The following RNF144B variants were observed in gnomAD, a reference collection of about 807,000 sequenced individuals.
The protein encoded by RNF144B is ring finger protein 144B, also known as E3 ubiquitin-protein ligase RNF144B.
A neutral mutation model predicts 40.2 loss-of-function variants in RNF144B; 25 were observed. The observed-to-expected ratio is 0.62, with a 90% confidence interval of 0.45 to 0.87. The LOEUF (loss-of-function observed/expected upper bound fraction) is 0.87, where lower values mean the gene tolerates loss of function less well. Among genes scored for constraint, RNF144B ranks in the 40% least tolerant of loss-of-function variants. RNF144B has a pLI of 0.00. For synonymous variants in RNF144B, 145 were observed against 136.3 expected (o/e 1.06, Z -0.44); for missense variants, 365 against 373.7 (o/e 0.98, Z 0.19).
Position 18,448,829 on chromosome 6 carries a change from T to C in RNF144B, c.332-8326T>C, listed in dbSNP as rs1180693893. 6.6e-6 allele frequency among the ~76,000 whole-genome samples: 1 copy of C among 152,164 alleles called. No homozygotes were observed. The highest frequency in any genetic ancestry group is 2.4e-5 in the African/African-American group (1 of 41,448). On this transcript the variant is annotated intron_variant, in intron 4 of 7. Coordinates refer to ENST00000259939, the MANE Select transcript of RNF144B (RefSeq NM_182757.4). The surrounding 1 kb of genome is among the most constrained non-coding windows in gnomAD (Gnocchi z 4.0). ...TGCTGGTCACAACCTATTAAACTGA[T>C]ACCTCAATCCCCATTGTTTGAAAAG... is the stretch of plus-strand genomic sequence containing the variant.
chr6:18,406,176 CAAGTA>C lies in RNF144B; in HGVS notation c.165+6480_165+6484del. 1.9e-6 allele frequency: 1 copy of C among 518,476 alleles called. No homozygotes were observed. Among genetic ancestry groups the C allele is most frequent in the Non-Finnish European group, 3.9e-6 (1 of 259,690 alleles). 32.1% of individuals were successfully genotyped at this position (518,476 alleles called of 1,614,324 possible). On this transcript the variant is annotated intron_variant, in intron 2 of 7. Transcript: ENST00000259939. The surrounding 1 kb of genome is among the most constrained non-coding windows in gnomAD (Gnocchi z 4.2). ...TTTTCGTATGAGACATAGATGCTAA[CAAGTA>C]AATACAGAAGTCAGGTGATGGTTTG... is the stretch of plus-strand genomic sequence containing the variant.
rs1794881149 is a variant in RNF144B, at chr6:18,405,328, C to T, written c.165+5629C>T. On this transcript the variant is annotated intron_variant, in intron 2 of 7. Transcript: ENST00000259939. This position sits in a 1 kb window ranked among gnomAD's most constrained non-coding sequence, Gnocchi z 4.5. ...AGCTGGGATTACAGGCATGTGCCAC[C>T]AGGCCTGACTAATTTTTTTTGTATT... 1.3e-5 allele frequency among the ~76,000 whole-genome samples: 2 copies of T among 152,040 alleles called. No homozygotes were observed. Among genetic ancestry groups the T allele is most frequent in the African/African-American group, 4.8e-5 (2 of 41,474 alleles).
chr6:18,442,456 A>G lies in RNF144B; in HGVS notation c.331+2712A>G, dbSNP rs1194953615. 6.6e-6 allele frequency among the ~76,000 whole-genome samples: 1 copy of G among 152,196 alleles called. No individual in the cohort carries two copies. The highest frequency in any genetic ancestry group is 1.5e-5 in the Non-Finnish European group (1 of 68,026). The stretch of plus-strand genomic sequence containing the variant: ...TATAGATGAAGAAACTGAAAACAGG[A>G]CAGATTGAGACTTGCCTAGGACCAC... On this transcript the variant is annotated intron_variant, in intron 4 of 7. Transcript: ENST00000259939. The surrounding 1 kb of genome is among the most constrained non-coding windows in gnomAD (Gnocchi z 4.3).
intron 3 of RNF144B, among the ~76,000 whole-genome samples, chr6:18,438,278 T>G (rs1758868860): frequency 6.6e-6 from 1 of 152,180 alleles, no homozygotes; most frequent in African/African-American, 2.4e-5. Context: ...TTATAACAGA[T>G]GAATAAAGTT....
intron 4 of RNF144B, among the ~76,000 whole-genome samples, chr6:18,451,768 G>A (rs955870857): frequency 6.6e-6 from 1 of 152,208 alleles, no homozygotes; most frequent in East Asian, 1.9e-4. Context: ...ACTAAGCTGA[G>A]ATAGGAAGTA....
Position 18,459,217 on chromosome 6 carries a change from C to G in RNF144B, c.537-390C>G, listed in dbSNP as rs1759398549. Among the ~76,000 whole-genome samples, 1 of 152,054 alleles carries G rather than the reference C, an allele frequency of 6.6e-6. No homozygotes were observed. ...TTTTAAAGTGTTTATATTTGAGAAC[C>G]CCTTCTCCATTTGTCTAATGAACAG... On this transcript the variant is annotated intron_variant, in intron 5 of 7. Coordinates refer to ENST00000259939, the MANE Select transcript of RNF144B (RefSeq NM_182757.4). This position sits in a 1 kb window ranked among gnomAD's most constrained non-coding sequence, Gnocchi z 4.2.
intron 2 of RNF144B, among the ~76,000 whole-genome samples, chr6:18,427,207 A>G (rs567625669): frequency 4.1e-4 from 63 of 152,286 alleles, no homozygotes; most frequent in African/African-American, 1.5e-3. Flanking sequence ...AGTTTTGGGT[A>G]AACTTTGATG....
At chr6:18,428,815 A>T (rs1480114606) in intron 3 of RNF144B, among the ~76,000 whole-genome samples, 1 of 152,176 alleles carries the variant, frequency 6.6e-6, no homozygotes, top group African/African-American at 2.4e-5. Flanking sequence ...TAAGTAACTT[A>T]CCCAAAACCA....
rs530331319 is a variant in RNF144B, at chr6:18,468,187, A to G, written c.*3120A>G. On this transcript the variant is annotated 3_prime_UTR_variant, in exon 8 of 8. Transcript: ENST00000259939. ...TAGAAATAAAAAAATCCGTCACCAAATTGTAACCTGGATGTTATAGCCCAG... is the reference window on the plus strand; with the variant it reads ...TAGAAATAAAAAAATCCGTCACCAAGTTGTAACCTGGATGTTATAGCCCAG... 5.3e-5 allele frequency: 8 copies of G among 152,302 alleles called. No homozygotes were observed. Among genetic ancestry groups the G allele is most frequent in the African/African-American group, 1.9e-4 (8 of 41,560 alleles). 9.4% of individuals were successfully genotyped at this position (152,302 alleles called of 1,614,324 possible).
rs1352816737 is a variant in RNF144B, at chr6:18,466,106, C to T, written c.*1039C>T. On this transcript the variant is annotated 3_prime_UTR_variant, in exon 8 of 8. Transcript: ENST00000259939. ...ACAAAATAAATGTTTACTTAAGAGC[C>T]ATTCTATCCTTTTGTGACTGAAATG... is the stretch of plus-strand genomic sequence containing the variant. The T allele has an allele frequency of 1.3e-5, 2 of 152,198 alleles. No homozygotes were observed. The highest frequency in any genetic ancestry group is 4.8e-5 in the African/African-American group (2 of 41,440). The allele number at this position is 152,198 out of a possible 1,614,324, so 9.4% of individuals were successfully genotyped here. A position where few individuals can be genotyped will look rare whatever the true frequency, so the allele number is the denominator to read the frequency against.
intron 2 of RNF144B, among the ~76,000 whole-genome samples, chr6:18,411,104 C>T (rs1795023780): frequency 6.6e-6 from 1 of 151,852 alleles, no homozygotes; most frequent in Non-Finnish European, 1.5e-5. Context: ...CCTACCTCAG[C>T]CTCCTGAGTA....
intron 3 of RNF144B, among the ~76,000 whole-genome samples, chr6:18,433,911 T>C (rs1311954037): frequency 6.6e-6 from 1 of 152,172 alleles, no homozygotes; most frequent in Admixed American, 6.5e-5. Flanking sequence ...TGATTAGACA[T>C]TGATCCGCAC....
At position 18,425,751 on chromosome 6, in the gene RNF144B, C is replaced by T. The variant is rs74903130; in HGVS notation, c.166-1830C>T. On this transcript the variant is annotated intron_variant, in intron 2 of 7. Transcript: ENST00000259939. This position sits in a 1 kb window ranked among gnomAD's most constrained non-coding sequence, Gnocchi z 4.2. ...CTAAATCATGAGCATTTGTGCATGTCTTTTAAATATCATTTGAAGACTCTT... is the reference window on the plus strand; with the variant it reads ...CTAAATCATGAGCATTTGTGCATGTTTTTTAAATATCATTTGAAGACTCTT... 0.064 allele frequency among the ~76,000 whole-genome samples: 9,718 copies of T among 152,206 alleles called. 407 individuals carry two copies. Among genetic ancestry groups the T allele is most frequent in the Non-Finnish European group, 0.083 (5,615 of 67,998 alleles).
chr6:18,416,598 A>G lies in RNF144B; in HGVS notation c.166-10983A>G, dbSNP rs1795153139. ...TTGAATGACTGTCCTCAAACTTACA[A>G]GGTGGATCTTAGTAATCTTTTCCAG... On this transcript the variant is annotated intron_variant, in intron 2 of 7. Transcript: ENST00000259939. This position sits in a 1 kb window ranked among gnomAD's most constrained non-coding sequence, Gnocchi z 5.5. 6.6e-6 allele frequency among the ~76,000 whole-genome samples: 1 copy of G among 152,236 alleles called. No homozygotes were observed. Among genetic ancestry groups the G allele is most frequent in the Non-Finnish European group, 1.5e-5 (1 of 68,040 alleles).
chr6:18,388,588 A>C (rs902879610), intron 1 of RNF144B, among the ~76,000 whole-genome samples: 3 of 152,096 alleles, frequency 2.0e-5, no homozygotes, highest in African/African-American at 7.2e-5. Context: ...TTTCACATCA[A>C]ATCCCTCTGT....
In RNF144B at chr6:18,442,089, A is replaced by T. The variant is rs1199297475; in HGVS notation, c.331+2345A>T. Among the ~76,000 whole-genome samples, 1 of 151,970 alleles carries T rather than the reference A, an allele frequency of 6.6e-6. No individual in the cohort carries two copies. Among genetic ancestry groups the T allele is most frequent in the Admixed American group, 6.5e-5 (1 of 15,278 alleles). ...AAGTTAATTGGCAACATCCATCGTT[A>T]TGTGGGGCAAGGTAGATGTGGAAAA... is the stretch of plus-strand genomic sequence containing the variant. On this transcript the variant is annotated intron_variant, in intron 4 of 7. Transcript: ENST00000259939. The surrounding 1 kb of genome is among the most constrained non-coding windows in gnomAD (Gnocchi z 4.3).
chr6:18,420,327 G>A (rs1363931489), intron 2 of RNF144B, among the ~76,000 whole-genome samples: 3 of 152,080 alleles, frequency 2.0e-5, no homozygotes, highest in African/African-American at 7.2e-5. Flanking sequence ...TCAGATTAGG[G>A]ATACTCAACC....
In RNF144B at chr6:18,448,643, C is replaced by T. The variant is rs960524419; in HGVS notation, c.332-8512C>T. ...AGTCACTGTTTTTCAAAGTATAGAA[C>T]TGTGACCCAGAATAATAAATCCATT... On this transcript the variant is annotated intron_variant, in intron 4 of 7. Transcript: ENST00000259939. The surrounding 1 kb of genome is among the most constrained non-coding windows in gnomAD (Gnocchi z 4.0). 2.0e-5 allele frequency among the ~76,000 whole-genome samples: 3 copies of T among 151,622 alleles called. No homozygotes were observed. Among genetic ancestry groups the T allele is most frequent in the African/African-American group, 4.9e-5 (2 of 41,220 alleles).
At position 18,422,951 on chromosome 6, in the gene RNF144B, C is replaced by CAA. The variant is rs58597328; in HGVS notation, c.166-4616_166-4615dup. Among the ~76,000 whole-genome samples the CAA allele has an allele frequency of 0.085, 12,275 of 143,716 alleles. 522 individuals are homozygous for CAA. Among genetic ancestry groups the CAA allele is most frequent in the Middle Eastern group, 0.1 (28 of 276 alleles). The allele number at this position is 143,716 out of a possible 152,430, so 94.3% of individuals were successfully genotyped here. ...TGGGCAACAGAGCAAGACCCAGTCT[C>CAA]AAAAAAAAAAAAAAATCAACTAATG... On this transcript the variant is annotated intron_variant, in intron 2 of 7. Coordinates refer to ENST00000259939, the MANE Select transcript of RNF144B (RefSeq NM_182757.4). This position sits in a 1 kb window ranked among gnomAD's most constrained non-coding sequence, Gnocchi z 4.7.
Sources: gnomAD v4.1 joint callset for allele counts (sites outside exome capture counted in the v4.1 genomes callset) on GRCh38, gnomAD v4.1.1 for gene constraint, Gnocchi (gnomAD v3.1) non-coding constraint, MANE v1.5 for transcripts, NCBI Gene and HGNC (gene_info 2026-07-23, HGNC 2026-07-21) for gene names.